The following ERP44 variants were observed in gnomAD, a reference collection of about 807,000 sequenced individuals.
ERP44 encodes endoplasmic reticulum resident protein 44.
A neutral mutation model predicts 53.4 loss-of-function variants in ERP44; 25 were observed. That is an observed-to-expected ratio of 0.47 (90% CI 0.34 to 0.65). The LOEUF is 0.65. Ranked by LOEUF, ERP44 falls within the 30% of genes least tolerant of loss-of-function variation. ERP44 has a pLI of 0.01. For missense variants in ERP44, 338 were observed against 493.2 expected (o/e 0.69, Z 2.98); for synonymous variants, 145 against 161.2 (o/e 0.90, Z 0.76).
chr9:100,079,282 T>C (rs1826393887), intron 1 of ERP44, among the ~76,000 whole-genome samples: 1 of 152,176 alleles, frequency 6.6e-6, no homozygotes, highest in Non-Finnish European at 1.5e-5. Context: ...ATGCTTCCTG[T>C]CCTCAAACAT....
chr9:99,998,384 C>G lies in ERP44; in HGVS notation c.1016+8122G>C, dbSNP rs529989089. ...CTCCCGCTTCCGCCACACGCGAGCT[C>G]CCGGATCATACAGCTGCAAGGCCGG... On this transcript the variant is annotated intron_variant, in intron 10 of 11. Coordinates refer to ENST00000262455, the MANE Select transcript of ERP44 (RefSeq NM_015051.3). The G allele has an allele frequency of 7.4e-5, 46 of 620,498 alleles. No homozygotes were observed. The East Asian group carries it at 1.0e-3, about 14-fold the overall frequency. The allele number at this position is 620,498 out of a possible 1,614,324, so 38.4% of individuals were successfully genotyped here. A position where few individuals can be genotyped will look rare whatever the true frequency, so the allele number is the denominator to read the frequency against.
intron 1 of ERP44, among the ~76,000 whole-genome samples, chr9:100,092,552 T>C (rs988050019): frequency 1.3e-5 from 2 of 152,242 alleles, no homozygotes; most frequent in African/African-American, 2.4e-5. Flanking sequence ...ACATCTACTT[T>C]TGCATTACAC....
chr9:100,041,651 A>C (rs1825904274), intron 4 of ERP44, among the ~76,000 whole-genome samples: 1 of 152,138 alleles, frequency 6.6e-6, no homozygotes. Flanking sequence ...CCCGCGACAG[A>C]GCAAGATTCC....
At chr9:99,994,124 C>T (rs865913769) in intron 10 of ERP44, among the ~76,000 whole-genome samples, 4 of 152,180 alleles carry the variant, frequency 2.6e-5, no homozygotes, top group African/African-American at 7.2e-5. Flanking sequence ...ACTAGAAATA[C>T]CATTTGACCC....
intron 10 of ERP44, among the ~76,000 whole-genome samples, chr9:100,001,484 A>G (rs1830377585): frequency 6.6e-6 from 1 of 152,180 alleles, no homozygotes; most frequent in Admixed American, 6.5e-5. Context: ...TTTCAGATCT[A>G]TTAATATTTT....
rs371387915 is a variant in ERP44 at position 100,004,537 on chromosome 9, T to A, written c.1016+1969A>T. ...GAGTCTGGGGCCACAGAAGCCTTTC[T>A]GGCACTGGGTTTTACCAGGACAAGC... is the stretch of plus-strand genomic sequence containing the variant. On this transcript the variant is annotated intron_variant, in intron 10 of 11. Transcript: ENST00000262455. 4.1e-4 allele frequency among the ~76,000 whole-genome samples: 62 copies of A among 152,334 alleles called. No individual in the cohort carries two copies. The South Asian group carries it at 0.012, about 31-fold the overall frequency.
chr9:99,991,843 C>T (rs904532465), intron 10 of ERP44, among the ~76,000 whole-genome samples: 8 of 151,844 alleles, frequency 5.3e-5, no homozygotes, highest in South Asian at 2.1e-4. Flanking sequence ...ATATCACCAC[C>T]GATCCCACAG....
At chr9:99,983,109 T>C (rs1397561808) in intron 11 of ERP44, among the ~76,000 whole-genome samples, 2 of 152,202 alleles carry the variant, frequency 1.3e-5, no homozygotes, top group African/African-American at 2.4e-5. Flanking sequence ...TCTGTAGATA[T>C]TATCTTAGTT....
chr9:99,998,387 G>A lies in ERP44; in HGVS notation c.1016+8119C>T, dbSNP rs978011842. 94 of 621,586 alleles carry A rather than the reference G, an allele frequency of 1.5e-4. 1 individual carries two copies. The African/African-American group carries it at 1.6e-3, about 10-fold the overall frequency. 38.5% of individuals were successfully genotyped at this position (621,586 alleles called of 1,614,324 possible). On this transcript the variant is annotated intron_variant, in intron 10 of 11. Coordinates refer to ENST00000262455, the MANE Select transcript of ERP44 (RefSeq NM_015051.3). ...CCGCTTCCGCCACACGCGAGCTCCC[G>A]GATCATACAGCTGCAAGGCCGGCCG...
At chr9:100,017,644 T>C (rs1394787865) in intron 7 of ERP44, among the ~76,000 whole-genome samples, 2 of 152,092 alleles carry the variant, frequency 1.3e-5, no homozygotes, top group Non-Finnish European at 2.9e-5. Context: ...AACTATAAAT[T>C]GAAAAAATAT....
chr9:100,006,678 T>C (rs1271664931), intron 9 of ERP44, 31 bp from the exon 10 acceptor site: 13 of 1,485,868 alleles, frequency 8.7e-6, no homozygotes, highest in Non-Finnish European at 1.2e-5. Context: ...GAGAGGTAAA[T>C]TCAAATTTTC....
At chr9:100,065,453 A>C (rs1326077784) in intron 1 of ERP44, among the ~76,000 whole-genome samples, 2 of 152,328 alleles carry the variant, frequency 1.3e-5, no homozygotes, top group African/African-American at 4.8e-5. Flanking sequence ...TATATACTTG[A>C]AAATTCCTAA....
chr9:100,057,018 C>T (rs979246391), intron 3 of ERP44, among the ~76,000 whole-genome samples: 1 of 152,104 alleles, frequency 6.6e-6, no homozygotes, highest in African/African-American at 2.4e-5. Flanking sequence ...AATGGAGATA[C>T]GTAAGACTAG....
intron 8 of ERP44, among the ~76,000 whole-genome samples, chr9:100,012,166 T>G (rs976809846): frequency 2.0e-5 from 3 of 152,176 alleles, no homozygotes; most frequent in Admixed American, 6.6e-5. Context: ...AAGGCTTGTG[T>G]TAGAATTTTC....
rs1387107652 is a variant in ERP44 at position 99,980,223 on chromosome 9, A to G, written c.*2389T>C. 3 of 395,966 alleles carry G rather than the reference A, an allele frequency of 7.6e-6. No individual in the cohort carries two copies. The highest frequency in any genetic ancestry group is 1.3e-5 in the Non-Finnish European group (3 of 224,742). 24.5% of individuals were successfully genotyped at this position (395,966 alleles called of 1,614,324 possible). A position where few individuals can be genotyped will look rare whatever the true frequency, so the allele number is the denominator to read the frequency against. On this transcript the variant is annotated 3_prime_UTR_variant, in exon 12 of 12. Coordinates refer to ENST00000262455, the MANE Select transcript of ERP44 (RefSeq NM_015051.3). ...ATAACACGTTACAGTCATTGTTTAC[A>G]TATCCATATGCCTGACTAGGCTGTG...
intron 1 of ERP44, among the ~76,000 whole-genome samples, chr9:100,064,576 C>G (rs1476166803): frequency 6.6e-6 from 1 of 152,200 alleles, no homozygotes; most frequent in Non-Finnish European, 1.5e-5. Context: ...AGAAACCCCT[C>G]TACATCACTA....
At chr9:99,999,084 G>A (rs909262469) in intron 10 of ERP44, 4 of 697,582 alleles carry the variant, frequency 5.7e-6, no homozygotes, top group African/African-American at 5.3e-5. Context: ...GGAGCGCACG[G>A]CCGTTCCCAC....
Position 100,093,903 on chromosome 9 carries a change from G to C in ERP44, c.57+4881C>G, listed in dbSNP as rs149540112. Among the ~76,000 whole-genome samples the C allele has an allele frequency of 3.5e-3, 531 of 152,298 alleles. 2 individuals carry two copies. Among genetic ancestry groups the C allele is most frequent in the African/African-American group, 0.012 (495 of 41,542 alleles). On this transcript the variant is annotated intron_variant, in intron 1 of 11. Coordinates refer to ENST00000262455, the MANE Select transcript of ERP44 (RefSeq NM_015051.3). ...TTATACCTTTTTAATCAAGGCTACA[G>C]GGAAACTATTACATTGTTGGTGAGG...
intron 10 of ERP44, chr9:99,998,341 C>A (rs1830337110): frequency 2.0e-5 from 11 of 544,910 alleles, no homozygotes; most frequent in South Asian, 2.0e-5. Flanking sequence ...TGTCCCCGAA[C>A]CTTTTGCCTT....
Sources: gnomAD v4.1 joint callset for allele counts (sites outside exome capture counted in the v4.1 genomes callset) on GRCh38, gnomAD v4.1.1 for gene constraint, MANE v1.5 for transcripts, NCBI Gene and HGNC (gene_info 2026-07-23, HGNC 2026-07-21) for gene names.